The following THSD7B variants were observed in gnomAD, a reference collection of about 807,000 sequenced individuals.
THSD7B encodes thrombospondin type-1 domain-containing protein 7B.
THSD7B carries 138 observed loss-of-function variants against 213.6 expected under a neutral mutation model. The observed-to-expected ratio is 0.65, with a 90% confidence interval of 0.56 to 0.74. THSD7B has a LOEUF of 0.74. Among genes scored for constraint, THSD7B ranks in the 30% least tolerant of loss-of-function variants. THSD7B has a pLI of 0.00. For missense variants in THSD7B, 1,931 were observed against 1,991.5 expected (o/e 0.97, Z 0.58); for synonymous variants, 742 against 687.0 (o/e 1.08, Z -1.25).
chr2:137,614,330 A>C (rs1682342895), intron 17 of THSD7B, among the ~76,000 whole-genome samples: 1 of 152,110 alleles, frequency 6.6e-6, no homozygotes, highest in Non-Finnish European at 1.5e-5. Context: ...TAAGGTTTAG[A>C]GTATATAAGT....
intron 2 of THSD7B, among the ~76,000 whole-genome samples, chr2:137,027,053 A>G (rs958165025): frequency 2.0e-5 from 3 of 152,220 alleles, no homozygotes; most frequent in African/African-American, 7.2e-5. Flanking sequence ...TTGTAACTGT[A>G]TAATGTGGGT....
Position 136,945,957 on chromosome 2 carries a change from T to G in THSD7B, c.139+63640T>G, listed in dbSNP as rs892787472. The stretch of plus-strand genomic sequence containing the variant: ...TATTACCGACCTTCTAAAGCCTACT[T>G]CTGTCAGCTTGTCGAAGTCATTCTC... On this transcript the variant is annotated intron_variant, in intron 2 of 27. Transcript: ENST00000409968. 2.0e-5 allele frequency among the ~76,000 whole-genome samples: 3 copies of G among 152,318 alleles called. No homozygotes were observed. The South Asian group carries it at 6.2e-4, about 32-fold the overall frequency.
At chr2:137,616,453 C>A in intron 18 of THSD7B, 137 bp downstream of exon 18, 1 of 693,512 alleles carries the variant, frequency 1.4e-6, no homozygotes, top group Non-Finnish European at 2.3e-6. Context: ...CTGAGGACTT[C>A]ATGTTTCTAG....
At chr2:137,478,290 T>G (rs1050983051) in intron 15 of THSD7B, among the ~76,000 whole-genome samples, 1 of 152,198 alleles carries the variant, frequency 6.6e-6, no homozygotes, top group Admixed American at 6.5e-5. Context: ...TTCATCTAAC[T>G]GGGTTATTTT....
At chr2:137,461,668 T>C (rs1687888552) in intron 15 of THSD7B, among the ~76,000 whole-genome samples, 1 of 152,160 alleles carries the variant, frequency 6.6e-6, no homozygotes, top group Admixed American at 6.6e-5. Flanking sequence ...TCAAACATTT[T>C]CAAAGCTTCT....
At chr2:137,620,866 A>G in intron 20 of THSD7B, 140 bp downstream of exon 20, 1 of 661,170 alleles carries the variant, frequency 1.5e-6, no homozygotes, top group East Asian at 2.8e-5. Context: ...AGAAAAACAG[A>G]GCCTGGCCTC....
At chr2:137,148,822 G>C (rs1453055865) in intron 5 of THSD7B, among the ~76,000 whole-genome samples, 1 of 152,206 alleles carries the variant, frequency 6.6e-6, no homozygotes, top group Non-Finnish European at 1.5e-5. Flanking sequence ...TAAAAGTTTG[G>C]AAAACTTGCA....
intron 26 of THSD7B, among the ~76,000 whole-genome samples, chr2:137,665,826 C>T (rs1683435894): frequency 6.6e-6 from 1 of 152,056 alleles, no homozygotes; most frequent in Admixed American, 6.5e-5. Context: ...AGAGGTAGAC[C>T]TTCTTTTATG....
chr2:137,557,058 T>C (rs907903850), intron 15 of THSD7B, among the ~76,000 whole-genome samples: 2 of 152,128 alleles, frequency 1.3e-5, no homozygotes, highest in African/African-American at 4.8e-5. Flanking sequence ...CTTAGAGACC[T>C]ACAAAGAGAC....
chr2:137,170,559 C>T (rs1573865730), intron 6 of THSD7B, among the ~76,000 whole-genome samples, 182 bp from the exon 7 acceptor site: 1 of 152,194 alleles, frequency 6.6e-6, no homozygotes, highest in Non-Finnish European at 1.5e-5. Flanking sequence ...TTTATTCTTT[C>T]CCATTCTCTT....
intron 5 of THSD7B, among the ~76,000 whole-genome samples, chr2:137,145,759 A>G (rs1005143063): frequency 2.0e-5 from 3 of 152,072 alleles, no homozygotes; most frequent in East Asian, 3.8e-4. Context: ...TATTTAAAGA[A>G]CTATATTACT....
At chr2:137,149,485 G>A (rs749920423) in intron 5 of THSD7B, among the ~76,000 whole-genome samples, 3 of 152,148 alleles carry the variant, frequency 2.0e-5, no homozygotes, top group Admixed American at 6.5e-5. Context: ...TGAATCCCAT[G>A]AGCCTTCCTG....
Position 137,084,559 on chromosome 2 carries a change from G to A in THSD7B, c.951-10314G>A, listed in dbSNP as rs78235808. On this transcript the variant is annotated intron_variant, in intron 3 of 27. Transcript: ENST00000409968. Reference sequence around the variant, plus strand: ...CAGTATATTTGAGCCATTTGGCTGAGATCTGACCAATGACTTGTAGGCAGG... The same window carrying A: ...CAGTATATTTGAGCCATTTGGCTGAAATCTGACCAATGACTTGTAGGCAGG... 3.4e-3 allele frequency among the ~76,000 whole-genome samples: 523 copies of A among 152,260 alleles called. 7 individuals carry two copies. The East Asian group carries it at 0.043, about 12-fold the overall frequency.
chr2:137,256,830 A>G (rs1193288857), intron 10 of THSD7B, among the ~76,000 whole-genome samples: 1 of 152,238 alleles, frequency 6.6e-6, no homozygotes, highest in Non-Finnish European at 1.5e-5. Context: ...AATTGAAGTT[A>G]TCTTAGTCTG....
At chr2:137,047,134 C>T (rs1045273216) in intron 2 of THSD7B, among the ~76,000 whole-genome samples, 9 of 151,968 alleles carry the variant, frequency 5.9e-5, no homozygotes, top group Admixed American at 5.2e-4. Flanking sequence ...TTCTTGAAGG[C>T]GGAATGGGAG....
At chr2:137,620,782 G>T (rs1573747831) in intron 20 of THSD7B, 56 bp downstream of exon 20, 1 of 736,902 alleles carries the variant, frequency 1.4e-6, no homozygotes. Flanking sequence ...ATATCATTCA[G>T]TATGCCATAG....
intron 12 of THSD7B, among the ~76,000 whole-genome samples, chr2:137,378,371 T>A (rs1685705895): frequency 6.6e-6 from 1 of 152,236 alleles, no homozygotes. Flanking sequence ...GCACAGCGTG[T>A]CCACTATTTC....
intron 3 of THSD7B, among the ~76,000 whole-genome samples, chr2:137,078,913 G>T (rs1558912182): frequency 2.6e-5 from 4 of 151,968 alleles, no homozygotes. Context: ...GCCATATTTT[G>T]TTTGTTTTCA....
chr2:137,533,971 A>G (rs1680450508), intron 15 of THSD7B, among the ~76,000 whole-genome samples: 1 of 150,910 alleles, frequency 6.6e-6, no homozygotes, highest in African/African-American at 2.4e-5. Context: ...TTAAAAAAGT[A>G]TTTATTAAAT....
Sources: allele counts gnomAD v4.1 joint callset (sites outside exome capture counted in the v4.1 genomes callset), GRCh38; gene constraint gnomAD v4.1.1; transcripts MANE v1.5; gene names NCBI Gene and HGNC (gene_info 2026-07-23, HGNC 2026-07-21).